PPFIA2: variants seen among roughly 807,000 people sequenced by gnomAD.
PPFIA2 encodes the protein liprin-alpha-2.
A neutral mutation model predicts 175.5 loss-of-function variants in PPFIA2; 46 were observed. The observed-to-expected ratio is 0.26, with a 90% CI of 0.21 to 0.34. PPFIA2 has a LOEUF of 0.34. PPFIA2 is among the 10% of genes least tolerant of loss of function. PPFIA2 has a pLI of 1.00. For missense variants in PPFIA2, 1,179 were observed against 1,506.1 expected (o/e 0.78, Z 3.60); for synonymous variants, 568 against 511.4 (o/e 1.11, Z -1.49).
chr12:81,558,575 G>A (rs1263296053), intron 4 of PPFIA2, among the ~76,000 whole-genome samples: 1 of 152,158 alleles, frequency 6.6e-6, no homozygotes, highest in African/African-American at 2.4e-5. Context: ...CCATCCCAGT[G>A]TGATCACAGA....
chr12:81,425,537 T>C lies in PPFIA2; in HGVS notation c.645+14435A>G, dbSNP rs535651600. 3.9e-5 allele frequency among the ~76,000 whole-genome samples: 6 copies of C among 152,180 alleles called. No homozygotes were observed. In the East Asian group the frequency reaches 9.7e-4, roughly 25 times the overall value. On this transcript the variant is annotated intron_variant, in intron 7 of 32. Transcript: ENST00000549396. ...ATTTTTGTATTTTTATGTATTTATT[T>C]ACTTATTTTTAGTAGAGAGGGGGTT...
At chr12:81,536,555 T>A (rs1355385880) in intron 4 of PPFIA2, among the ~76,000 whole-genome samples, 1 of 150,728 alleles carries the variant, frequency 6.6e-6, no homozygotes, top group Non-Finnish European at 1.5e-5. Context: ...AATTTTATAT[T>A]GAAAAAAATC....
At chr12:81,368,059 C>T (rs1566489560) in intron 13 of PPFIA2, 1 of 1,216,990 alleles carries the variant, frequency 8.2e-7, no homozygotes, top group East Asian at 5.7e-5. Flanking sequence ...GGCATTCAAT[C>T]TAGATTTCTA....
At chr12:81,389,201 T>C (rs921409775) in intron 8 of PPFIA2, among the ~76,000 whole-genome samples, 2 of 148,472 alleles carry the variant, frequency 1.3e-5, no homozygotes, top group African/African-American at 4.9e-5. Context: ...ATATTATATA[T>C]ATATAATATT....
intron 3 of PPFIA2, among the ~76,000 whole-genome samples, chr12:81,741,190 A>C (rs2082276281): frequency 6.6e-6 from 1 of 152,190 alleles, no homozygotes; most frequent in African/African-American, 2.4e-5. Flanking sequence ...TCTTGATATA[A>C]AACCCACTTC....
intron 18 of PPFIA2, among the ~76,000 whole-genome samples, chr12:81,346,001 T>G (rs1037427090): frequency 6.6e-6 from 1 of 152,148 alleles, no homozygotes; most frequent in African/African-American, 2.4e-5. Flanking sequence ...TAGGAAGTTT[T>G]GGAAATGAGC....
chr12:81,538,088 G>A (rs1368801345), intron 4 of PPFIA2, among the ~76,000 whole-genome samples: 2 of 151,820 alleles, frequency 1.3e-5, no homozygotes, highest in East Asian at 3.9e-4. Flanking sequence ...TGAATCAAAT[G>A]TTACCCCCAC....
intron 3 of PPFIA2, among the ~76,000 whole-genome samples, chr12:81,713,768 C>T (rs758428474): frequency 2.6e-5 from 4 of 151,178 alleles, no homozygotes; most frequent in Non-Finnish European, 5.9e-5. Flanking sequence ...TAACCTGATT[C>T]ACTCATCAAA....
At chr12:81,353,403 C>G in intron 16 of PPFIA2, 64 bp from the exon 17 acceptor site, 1 of 1,157,800 alleles carries the variant, frequency 8.6e-7, no homozygotes, top group Non-Finnish European at 1.3e-6. Flanking sequence ...GCATTAATCT[C>G]AAAGACAGCA....
intron 4 of PPFIA2, among the ~76,000 whole-genome samples, chr12:81,636,476 A>G (rs2064062289): frequency 6.6e-6 from 1 of 151,064 alleles, no homozygotes; most frequent in South Asian, 2.1e-4. Flanking sequence ...TGTGTTAGCC[A>G]GGATGGTCTC....
intron 3 of PPFIA2, among the ~76,000 whole-genome samples, chr12:81,704,125 C>T (rs148740283): frequency 6.5e-4 from 99 of 152,200 alleles, no homozygotes; most frequent in African/African-American, 2.2e-3. Flanking sequence ...CTGGACTTTG[C>T]AGCACTCAAT....
intron 21 of PPFIA2, among the ~76,000 whole-genome samples, chr12:81,337,666 A>G (rs1368986808): frequency 6.6e-6 from 1 of 152,162 alleles, no homozygotes; most frequent in Non-Finnish European, 1.5e-5. Context: ...ATATTTTAAA[A>G]GTAAAGTGTC....
chr12:81,612,134 G>C (rs1447525155), intron 4 of PPFIA2, among the ~76,000 whole-genome samples: 5 of 151,996 alleles, frequency 3.3e-5, no homozygotes. Context: ...GGTGGGAGCA[G>C]TGCTTTCTGG....
chr12:81,502,930 C>G (rs2060743640), intron 4 of PPFIA2, among the ~76,000 whole-genome samples: 1 of 152,046 alleles, frequency 6.6e-6, no homozygotes, highest in South Asian at 2.1e-4. Flanking sequence ...GGAATGCCTC[C>G]TCTAGGACAA....
intron 24 of PPFIA2, among the ~76,000 whole-genome samples, chr12:81,284,710 G>A (rs2042877417): frequency 6.6e-6 from 1 of 152,056 alleles, no homozygotes; most frequent in Non-Finnish European, 1.5e-5. Context: ...CATGCACTTT[G>A]TTGTGTTATT....
chr12:81,584,968 A>ATGT, intron 4 of PPFIA2, among the ~76,000 whole-genome samples: 3 of 102,580 alleles, frequency 2.9e-5, no homozygotes, highest in Admixed American at 1.4e-4. Context: ...TATATATAAT[A>ATGT]TATTATATAT....
chr12:81,577,921 G>A (rs2073832646), intron 4 of PPFIA2, among the ~76,000 whole-genome samples: 1 of 151,720 alleles, frequency 6.6e-6, no homozygotes, highest in Non-Finnish European at 1.5e-5. Context: ...TGGCTTAGTT[G>A]AGTGGTCCAA....
intron 6 of PPFIA2, among the ~76,000 whole-genome samples, chr12:81,440,312 G>T (rs902695832): frequency 1.9e-4 from 29 of 152,044 alleles, no homozygotes; most frequent in African/African-American, 6.5e-4. Context: ...AGATTGACTT[G>T]TCTTGCTCTG....
intron 8 of PPFIA2, among the ~76,000 whole-genome samples, chr12:81,392,053 G>A (rs948240060): frequency 3.3e-5 from 5 of 151,834 alleles, no homozygotes; most frequent in African/African-American, 4.8e-5. Flanking sequence ...ATTTTCGATG[G>A]ATTCCTCAGT....
Sources: gnomAD v4.1 joint callset for allele counts (sites outside exome capture counted in the v4.1 genomes callset) on GRCh38, gnomAD v4.1.1 for gene constraint, MANE v1.5 for transcripts, NCBI Gene and HGNC (gene_info 2026-07-23, HGNC 2026-07-21) for gene names.